The following ACOT1 variants were observed in gnomAD, a reference collection of about 807,000 sequenced individuals.
The protein encoded by ACOT1 is acyl-coenzyme A thioesterase 1.
A neutral mutation model predicts 15.7 loss-of-function variants in ACOT1; 8 were observed. That is an observed-to-expected ratio of 0.51 (90% CI 0.30 to 0.92). The LOEUF is 0.92. Among genes scored for constraint, ACOT1 ranks in the 40% least tolerant of loss-of-function variants. The pLI is 0.06. For synonymous variants in ACOT1, 67 were observed against 241.2 expected (o/e 0.28, Z 6.69); for missense variants, 151 against 539.4 (o/e 0.28, Z 7.13).
At chr14:73,509,866 A>ATATTTATATATTTATATATT in the ACOT1 span, among the ~76,000 whole-genome samples, 7 of 67,524 alleles carry the variant, frequency 1.0e-4, no homozygotes, top group African/African-American at 4.4e-4. Flanking sequence ...ATATATATAT[A>ATATTTATATATTTATATATT]TATTTATTTA....
the ACOT1 span, chr14:73,496,670 G>T: frequency 6.4e-7 from 1 of 1,566,334 alleles, no homozygotes; most frequent in Non-Finnish European, 8.8e-7. Flanking sequence ...TCATTGTCTG[G>T]TACATTTCTC....
the ACOT1 span, chr14:73,490,999 A>C: frequency 3.6e-6 from 5 of 1,373,874 alleles, no homozygotes; most frequent in Non-Finnish European, 3.8e-6. Context: ...CGGGCGGGGA[A>C]GACTGGTGTG....
At chr14:73,522,767 G>T in the ACOT1 span, 17 of 1,614,092 alleles carry the variant, frequency 1.1e-5, no homozygotes, top group East Asian at 3.8e-4. Flanking sequence ...GGTGTCTCCT[G>T]TTAAGGGACT....
At chr14:73,495,436 T>G in the ACOT1 span, 97 of 1,467,008 alleles carry the variant, frequency 6.6e-5, no homozygotes, top group Non-Finnish European at 9.0e-5. Flanking sequence ...ACACCTGTAC[T>G]AGGCAGCAAA....
At chr14:73,519,294 A>G in the ACOT1 span, 1 of 791,004 alleles carries the variant, frequency 1.3e-6, no homozygotes, top group Admixed American at 2.6e-5. Context: ...CATGACTGCC[A>G]TACTCTGGGG....
the ACOT1 span, among the ~76,000 whole-genome samples, chr14:73,526,946 T>G: frequency 1.2e-4 from 19 of 152,108 alleles, no homozygotes; most frequent in Admixed American, 1.2e-3. Context: ...GGGAGAGAGA[T>G]TCCTGACTGG....
intron 1 of ACOT1, among the ~76,000 whole-genome samples, chr14:73,538,245 A>G (rs1046144602): frequency 8.7e-6 from 1 of 114,512 alleles, no homozygotes; most frequent in African/African-American, 2.8e-5. Context: ...ACAGGAATGG[A>G]ATGGAAAGTT....
the ACOT1 span, among the ~76,000 whole-genome samples, chr14:73,531,560 C>T: frequency 3.7e-5 from 4 of 107,920 alleles, 1 homozygote; most frequent in African/African-American, 1.2e-4. Context: ...CAGGCCACAC[C>T]ACCACGCCCC....
At chr14:73,519,000 T>G in the ACOT1 span, 1 of 1,603,048 alleles carries the variant, frequency 6.2e-7, no homozygotes, top group Non-Finnish European at 8.5e-7. Context: ...AACCCCTGCC[T>G]TCCCTGTTAG....
chr14:73,531,924 T>C, the ACOT1 span, among the ~76,000 whole-genome samples: 11 of 113,724 alleles, frequency 9.7e-5, 3 homozygotes, highest in East Asian at 2.2e-3. Flanking sequence ...CCCAGCTACT[T>C]GGGAGGCTGA....
chr14:73,521,010 G>A, the ACOT1 span: 68 of 1,613,534 alleles, frequency 4.2e-5, no homozygotes, highest in Non-Finnish European at 5.7e-5. Flanking sequence ...GATCTCAACT[G>A]TCTCTGCTTG....
the ACOT1 span, chr14:73,499,020 T>C: frequency 2.3e-5 from 35 of 1,493,874 alleles, no homozygotes; most frequent in Non-Finnish European, 3.2e-5. Context: ...TCTACTTGCA[T>C]AGGCAAAGGT....
At chr14:73,501,327 A>G in the ACOT1 span, among the ~76,000 whole-genome samples, 28 of 151,886 alleles carry the variant, frequency 1.8e-4, no homozygotes, top group Admixed American at 3.9e-4. Flanking sequence ...GGGTTTCACT[A>G]TGTTAGCCAG....
At chr14:73,503,928 A>G in the ACOT1 span, among the ~76,000 whole-genome samples, 1 of 152,202 alleles carries the variant, frequency 6.6e-6, no homozygotes, top group African/African-American at 2.4e-5. Context: ...AACCCCTGCT[A>G]GCTCTGCATG....
chr14:73,491,341 C>A, the ACOT1 span: 1 of 1,446,748 alleles, frequency 6.9e-7, no homozygotes, highest in Non-Finnish European at 9.1e-7. Flanking sequence ...TGCTGGAGGC[C>A]TCGCCCGCCG....
the ACOT1 span, among the ~76,000 whole-genome samples, chr14:73,500,012 G>A: frequency 1.3e-5 from 2 of 152,268 alleles, no homozygotes; most frequent in Admixed American, 6.5e-5. Flanking sequence ...GGCGGATCAC[G>A]AAGTCAGGAC....
chr14:73,502,395 G>A, the ACOT1 span, among the ~76,000 whole-genome samples: 1 of 152,082 alleles, frequency 6.6e-6, no homozygotes, highest in East Asian at 1.9e-4. Flanking sequence ...CTCCAGCACC[G>A]AAACCATTGC....
At chr14:73,525,482 C>T in the ACOT1 span, among the ~76,000 whole-genome samples, 8 of 152,124 alleles carry the variant, frequency 5.3e-5, no homozygotes, top group Non-Finnish European at 8.8e-5. Context: ...ATGAAGGCAA[C>T]GTCTTCATGA....
chr14:73,491,193 C>T, the ACOT1 span: 1 of 1,596,838 alleles, frequency 6.3e-7, no homozygotes, highest in Non-Finnish European at 8.5e-7. Flanking sequence ...CAGACGCTGC[C>T]TAGCGAGAAC....
Sources: gnomAD v4.1 joint callset for allele counts (sites outside exome capture counted in the v4.1 genomes callset) on GRCh38, gnomAD v4.1.1 for gene constraint, MANE v1.5 for transcripts, NCBI Gene and HGNC (gene_info 2026-07-23, HGNC 2026-07-21) for gene names.